CACNB2: variants seen among roughly 807,000 people sequenced by gnomAD.
CACNB2 encodes voltage-dependent L-type calcium channel subunit beta-2.
CACNB2 carries 42 observed loss-of-function variants against 73.3 expected under a neutral mutation model. The ratio of observed to expected loss-of-function variants is 0.57; its 90% CI spans 0.45 to 0.74. The LOEUF (loss-of-function observed/expected upper bound fraction) is 0.74. Ranked by LOEUF, CACNB2 falls within the 30% of genes least tolerant of loss-of-function variation. The probability of loss-of-function intolerance (pLI) is 0.00; values close to 1 mark genes in which losing one functional copy is unlikely to be tolerated. For synonymous variants in CACNB2, 348 were observed against 310.3 expected, an observed-to-expected ratio of 1.12 and a Z score of -1.28; for missense variants, 940 against 853.0, an observed-to-expected ratio of 1.10 and a Z score of -1.27.
intron 3 of CACNB2, among the ~76,000 whole-genome samples, chr10:18,415,992 T>C (rs776740571): frequency 1.9e-4 from 29 of 152,146 alleles, no homozygotes; most frequent in African/African-American, 7.0e-4. Flanking sequence ...AGGTATATAA[T>C]GCATAATGAT....
chr10:18,371,087 C>A (rs557335882), intron 2 of CACNB2, among the ~76,000 whole-genome samples: 42 of 152,204 alleles, frequency 2.8e-4, no homozygotes, highest in Non-Finnish European at 5.0e-4. Flanking sequence ...CAACAGCCAG[C>A]AATGTTTGAG....
At chr10:18,312,822 T>C (rs1232945587) in intron 2 of CACNB2, among the ~76,000 whole-genome samples, 1 of 152,198 alleles carries the variant, frequency 6.6e-6, no homozygotes, top group Non-Finnish European at 1.5e-5. Context: ...GGCGGGGGCA[T>C]TCAAATGGCA....
chr10:18,414,706 T>C (rs1165116950), intron 3 of CACNB2, among the ~76,000 whole-genome samples: 1 of 152,038 alleles, frequency 6.6e-6, no homozygotes, highest in Non-Finnish European at 1.5e-5. Context: ...GCTGCTCTCA[T>C]AGACTTCTGG....
Position 18,197,062 on chromosome 10 carries a change from C to G in CACNB2, c.213+46087C>G, listed in dbSNP as rs377723346. ...CCTCTCATTCTCTCTCTTCACTCCC[C>G]ATAGGGAACCTCATTATGCCTCTTA... On this transcript the variant is annotated intron_variant, in intron 2 of 13. Coordinates refer to ENST00000324631, the MANE Select transcript of CACNB2 (RefSeq NM_201596.3). Among the ~76,000 whole-genome samples the G allele has an allele frequency of 4.0e-4, 61 of 152,198 alleles. No individual in the cohort carries two copies. In the East Asian group the frequency reaches 0.011, roughly 29 times the overall value.
At chr10:18,240,299 C>T (rs945504207) in intron 2 of CACNB2, among the ~76,000 whole-genome samples, 21 of 152,144 alleles carry the variant, frequency 1.4e-4, no homozygotes, top group African/African-American at 5.1e-4. Flanking sequence ...TGACTCAAAT[C>T]GCTAAACATC....
At chr10:18,140,948 T>G (rs1458855625) in intron 1 of CACNB2, 92 bp downstream of exon 1, 1 of 1,528,576 alleles carries the variant, frequency 6.5e-7, no homozygotes, top group Non-Finnish European at 8.8e-7. Context: ...TGCAGGGATC[T>G]CTAGCCTCGC....
At chr10:18,463,464 T>C (rs1359419125) in intron 3 of CACNB2, among the ~76,000 whole-genome samples, 2 of 152,136 alleles carry the variant, frequency 1.3e-5, no homozygotes, top group African/African-American at 2.4e-5. Flanking sequence ...TGGATTGCAA[T>C]GGCACAAGCA....
intron 2 of CACNB2, among the ~76,000 whole-genome samples, chr10:18,362,663 G>A (rs1420702958): frequency 6.6e-6 from 1 of 152,174 alleles, no homozygotes; most frequent in Non-Finnish European, 1.5e-5. Context: ...TGTAGAGGCT[G>A]GGCGCCGTGG....
intron 3 of CACNB2, among the ~76,000 whole-genome samples, chr10:18,442,365 G>T (rs1430475290): frequency 6.6e-6 from 1 of 151,956 alleles, no homozygotes; most frequent in Non-Finnish European, 1.5e-5. Context: ...GGCCAGGCTG[G>T]TCTTAAACCC....
intron 2 of CACNB2, among the ~76,000 whole-genome samples, chr10:18,376,647 T>G (rs2132331409): frequency 6.6e-6 from 1 of 152,274 alleles, no homozygotes; most frequent in Admixed American, 6.5e-5. Flanking sequence ...CTTAGAATGT[T>G]TCTGTGTGAG....
At position 18,442,930 on chromosome 10, in the gene CACNB2, ATATATATATATGTG is replaced by A. The variant is rs1564553198; in HGVS notation, c.333+40899_333+40912del. On this transcript the variant is annotated intron_variant, in intron 3 of 13. Transcript: ENST00000324631. Reference sequence around the variant, plus strand: ...AAACAATATATATATATATATGTATATATATATATATGTGTATATATATATATGTATATATATAT... The same window carrying A: ...AAACAATATATATATATATATGTATATATATATATATATGTATATATATAT... Among the ~76,000 whole-genome samples, 71 of 45,770 alleles carry A rather than the reference ATATATATATATGTG, an allele frequency of 1.6e-3. 5 individuals carry two copies. Among genetic ancestry groups the A allele is most frequent in the African/African-American group, 3.0e-3 (20 of 6,698 alleles). 30.0% of individuals were successfully genotyped at this position (45,770 alleles called of 152,430 possible). A position where few individuals can be genotyped will look rare whatever the true frequency, so the allele number is the denominator to read the frequency against.
intron 3 of CACNB2, among the ~76,000 whole-genome samples, chr10:18,403,114 A>T (rs2044094177): frequency 6.6e-6 from 1 of 152,180 alleles, no homozygotes; most frequent in South Asian, 2.1e-4. Flanking sequence ...TATCAGAATG[A>T]TGTTCTTACC....
chr10:18,522,946 T>A (rs896834754), intron 9 of CACNB2, among the ~76,000 whole-genome samples: 1 of 124,134 alleles, frequency 8.1e-6, no homozygotes, highest in Non-Finnish European at 1.7e-5. Context: ...GGAGAGAGAA[T>A]GAGGAAAACA....
At chr10:18,488,729 A>C (rs548765711) in intron 3 of CACNB2, among the ~76,000 whole-genome samples, 1 of 152,128 alleles carries the variant, frequency 6.6e-6, no homozygotes, top group Non-Finnish European at 1.5e-5. Flanking sequence ...CAAGTCTTCA[A>C]AATTTCACAT....
intron 3 of CACNB2, among the ~76,000 whole-genome samples, chr10:18,490,460 G>C (rs1395914933): frequency 6.6e-6 from 1 of 152,138 alleles, no homozygotes; most frequent in African/African-American, 2.4e-5. Context: ...AAAACTGGTA[G>C]AAAAGTCTGA....
intron 3 of CACNB2, among the ~76,000 whole-genome samples, chr10:18,473,197 G>GC (rs2048279347): frequency 6.6e-6 from 1 of 152,126 alleles, no homozygotes; most frequent in South Asian, 2.1e-4. Context: ...TTCAGGTGGG[G>GC]CCCCGCTCGC....
At chr10:18,235,871 G>A (rs989622189) in intron 2 of CACNB2, among the ~76,000 whole-genome samples, 1 of 152,136 alleles carries the variant, frequency 6.6e-6, no homozygotes, top group South Asian at 2.1e-4. Context: ...TGGTGGGATG[G>A]GATTAGATCG....
intron 2 of CACNB2, among the ~76,000 whole-genome samples, chr10:18,311,026 G>A (rs1191649969): frequency 6.6e-6 from 1 of 152,042 alleles, no homozygotes; most frequent in Non-Finnish European, 1.5e-5. Context: ...TGCCTCATCA[G>A]TACTTTTTCA....
chr10:18,203,588 A>T (rs1344993841), intron 2 of CACNB2, among the ~76,000 whole-genome samples: 1 of 152,216 alleles, frequency 6.6e-6, no homozygotes, highest in African/African-American at 2.4e-5. Context: ...ATAAACACCC[A>T]CACGTACATA....
Sources: gnomAD v4.1 joint callset for allele counts (sites outside exome capture counted in the v4.1 genomes callset) on GRCh38, gnomAD v4.1.1 for gene constraint, MANE v1.5 for transcripts, NCBI Gene and HGNC (gene_info 2026-07-23, HGNC 2026-07-21) for gene names.